Variants in PAX8 observed in about 807,000 individuals in gnomAD.
PAX8 encodes paired box 8.
PAX8 carries 15 observed loss-of-function variants against 52.4 expected under a neutral mutation model. That is an observed-to-expected ratio of 0.29 (90% CI 0.19 to 0.44). PAX8 has a LOEUF of 0.44. Among genes scored for constraint, PAX8 ranks in the 20% least tolerant of loss-of-function variants. The pLI, the probability that PAX8 is intolerant of heterozygous loss-of-function variation, is 1.00. For missense variants in PAX8, 554 were observed against 602.5 expected (o/e 0.92, Z 0.84); for synonymous variants, 284 against 249.7 (o/e 1.14, Z -1.29).
chr2:113,225,888 T>C (rs769401458), intron 10 of PAX8: 1 of 976,696 alleles, frequency 1.0e-6, no homozygotes, highest in Non-Finnish European at 1.2e-6. Flanking sequence ...CTTAAAAAAA[T>C]AACCGAATCT....
intron 2 of PAX8, among the ~76,000 whole-genome samples, chr2:113,257,337 C>G (rs1692335308): frequency 6.6e-6 from 1 of 152,152 alleles, no homozygotes; most frequent in Non-Finnish European, 1.5e-5. Flanking sequence ...GTCTTTGGGG[C>G]TCTGTTTCCC....
rs1054295218 is a variant in PAX8 at position 113,242,566 on chromosome 2, G to A, written c.478+124C>T. On this transcript the variant is annotated intron_variant, in intron 5 of 11. Transcript: ENST00000429538. ...CAACTCAGTCTACACATGGGTTTGT[G>A]AATGGTACTGTGCACAGCTATGTCT... is the stretch of plus-strand genomic sequence containing the variant. 6 of 790,890 alleles carry A rather than the reference G, an allele frequency of 7.6e-6. No individual in the cohort carries two copies. The East Asian group carries it at 1.5e-4, about 20-fold the overall frequency. 49.0% of individuals were successfully genotyped at this position (790,890 alleles called of 1,614,324 possible). A position where few individuals can be genotyped will look rare whatever the true frequency, so the allele number is the denominator to read the frequency against.
At chr2:113,267,048 A>C (rs562665993) in intron 2 of PAX8, 8 of 152,234 alleles carry the variant, frequency 5.3e-5, no homozygotes, top group Non-Finnish European at 1.0e-4. Flanking sequence ...TTGTGTTCAC[A>C]CTTCTCCTTT....
intron 11 of PAX8, among the ~76,000 whole-genome samples, chr2:113,219,096 G>A (rs560549239): frequency 3.9e-5 from 6 of 152,340 alleles, no homozygotes; most frequent in Middle Eastern, 3.4e-3. Context: ...GCAGCCTGGG[G>A]AGGCTCAGTG....
At position 113,236,620 on chromosome 2, in the gene PAX8, C is replaced by A; in HGVS notation, c.879G>T (p.Gln293His). 1 of 1,587,922 alleles carries A rather than the reference C, an allele frequency of 6.3e-7. No homozygotes were observed. The highest frequency in any genetic ancestry group is 8.6e-7 in the Non-Finnish European group (1 of 1,167,880). ...TTGTACCTGCCACCACGGGGTAGGT[C>A]TGGTGAGTCGAGAGGTTGCGCCCCA... ...TPLGRNLSTH[Q>H]TYPVVADPHS... Residue 293 changes from glutamine (Q) to histidine (H), a missense_variant, in exon 8 of 12, where the codon CAG (glutamine) becomes CAT (histidine). Gln to His is a conservative substitution (Grantham distance 24). This residue lies in a region of PAX8 where 445 missense variants were observed against 409.9 expected (regional missense o/e 1.09). Coordinates refer to ENST00000429538, the MANE Select transcript of PAX8 (RefSeq NM_003466.4).
intron 7 of PAX8, chr2:113,239,936 A>G (rs1440500152): frequency 6.6e-6 from 1 of 152,162 alleles, no homozygotes; most frequent in Non-Finnish European, 1.5e-5. Context: ...TGAAAGCTCA[A>G]AGACTTTCTC....
intron 10 of PAX8, among the ~76,000 whole-genome samples, chr2:113,224,848 AAATAAAAT>A (rs1218812847): frequency 1.2e-3 from 20 of 16,688 alleles, no homozygotes; most frequent in African/African-American, 1.6e-3. Context: ...ATATAAAATA[AAATAAAAT>A]AAAATAAAAT....
Position 113,235,565 on chromosome 2 carries a change from C to A in PAX8, c.916G>T (p.Ala306Ser). 6.2e-7 allele frequency: 1 copy of A among 1,611,880 alleles called. No individual in the cohort carries two copies. Among genetic ancestry groups the A allele is most frequent in the Non-Finnish European group, 8.5e-7 (1 of 1,178,616 alleles). Residue 306 changes from alanine (A) to serine (S), a missense_variant, in exon 9 of 12, where the codon GCC becomes TCC. Ala to Ser is a moderately conservative substitution (Grantham distance 99). Around this residue, in one of 2 missense-constraint regions of PAX8, gnomAD observed 445 missense variants for 409.9 expected, o/e 1.09. Coordinates refer to ENST00000429538, the MANE Select transcript of PAX8 (RefSeq NM_003466.4). ...ACCTCGGGGGTTTCCTGCTTTATGGCGAAGGGTGAGTGAGGATCTGCCGGA... is the reference window on the plus strand; with the variant it reads ...ACCTCGGGGGTTTCCTGCTTTATGGAGAAGGGTGAGTGAGGATCTGCCGGA... The part of the protein sequence containing the change: ...PVVADPHSPF[A>S]IKQETPEVSS...
At position 113,236,766 on chromosome 2, in the gene PAX8, C is replaced by G. The variant is rs1486021764; in HGVS notation, c.778-45G>C. 1.9e-6 allele frequency: 3 copies of G among 1,540,346 alleles called. No homozygotes were observed. In the African/African-American group the frequency reaches 4.1e-5, roughly 21 times the overall value. ...CAGCGCACAGAGACGATCCAACAAGCCGACCTTCCTGCAGACCCTGAGCCT... is the reference window on the plus strand; with the variant it reads ...CAGCGCACAGAGACGATCCAACAAGGCGACCTTCCTGCAGACCCTGAGCCT... On this transcript the variant is annotated intron_variant, in intron 7 of 11. Coordinates refer to ENST00000429538, the MANE Select transcript of PAX8 (RefSeq NM_003466.4).
intron 9 of PAX8, among the ~76,000 whole-genome samples, chr2:113,227,768 G>T (rs915724898): frequency 5.3e-5 from 8 of 151,920 alleles, no homozygotes; most frequent in Non-Finnish European, 1.0e-4. Flanking sequence ...ACTATTTTTT[G>T]GGGGGCCTGT....
At chr2:113,222,272 C>G (rs1419757538) in intron 10 of PAX8, among the ~76,000 whole-genome samples, 3 of 152,190 alleles carry the variant, frequency 2.0e-5, no homozygotes, top group African/African-American at 7.2e-5. Context: ...TTTACCACAC[C>G]CTACCCAATG....
At position 113,244,538 on chromosome 2, in the gene PAX8, C is replaced by G. The variant is rs1085307828; in HGVS notation, c.278G>C (p.Gly93Ala). The change falls in exon 4 of 12, where the codon GGG becomes GCG. Residue 93 changes from glycine to alanine, a missense_variant. Physicochemically the swap from Gly to Ala is moderately conservative, Grantham distance 60. Coordinates refer to ENST00000429538, the MANE Select transcript of PAX8 (RefSeq NM_003466.4). ...VATPKVVEKI[G>A]DYKRQNPTMF... is the part of the protein sequence containing the mutation. ...GGTAGGGTTCTGGCGTTTGTAGTCC[C>G]CAATCTTCTCCACCACCTTGGGGGT... 1.9e-6 allele frequency: 3 copies of G among 1,614,052 alleles called. No individual in the cohort carries two copies. The Admixed American group carries it at 5.0e-5, about 27-fold the overall frequency.
rs940281302 is a variant in PAX8 at position 113,216,993 on chromosome 2, C to T, written c.*1540G>A. On this transcript the variant is annotated 3_prime_UTR_variant, in exon 12 of 12. Transcript: ENST00000429538. ...CACACAAGAGAGCCCAGTCTTCTCT[C>T]TCCCTTCAGAGCTGTTTATGCAGGC... 4.3e-6 allele frequency: 1 copy of T among 231,430 alleles called. No homozygotes were observed. Among genetic ancestry groups the T allele is most frequent in the Non-Finnish European group, 8.6e-6 (1 of 116,946 alleles). The allele number at this position is 231,430 out of a possible 1,614,324, so 14.3% of individuals were successfully genotyped here. A position where few individuals can be genotyped will look rare whatever the true frequency, so the allele number is the denominator to read the frequency against.
intron 9 of PAX8, among the ~76,000 whole-genome samples, chr2:113,232,385 T>C (rs1449291493): frequency 6.6e-6 from 1 of 152,244 alleles, no homozygotes; most frequent in Non-Finnish European, 1.5e-5. Flanking sequence ...CTGTGCTGAA[T>C]TGTCAACCCT....
chr2:113,242,228 G>A lies in PAX8; in HGVS notation c.479-98C>T, dbSNP rs1178236243. On this transcript the variant is annotated intron_variant, in intron 5 of 11. Coordinates refer to ENST00000429538, the MANE Select transcript of PAX8 (RefSeq NM_003466.4). ...GTTACAGTTGAGCTGGGGACTGCAG[G>A]GGCTGGGGGAGAGGGAGAGGAGCAA... is the stretch of plus-strand genomic sequence containing the variant. 1.2e-5 allele frequency: 13 copies of A among 1,055,186 alleles called. No individual in the cohort carries two copies. In the Admixed American group the frequency reaches 2.5e-4, roughly 20 times the overall value. The allele number at this position is 1,055,186 out of a possible 1,614,324, so 65.4% of individuals were successfully genotyped here.
At chr2:113,236,766 C>T in intron 7 of PAX8, 45 bp from the exon 8 acceptor site, 1 of 1,540,464 alleles carries the variant, frequency 6.5e-7, no homozygotes, top group Non-Finnish European at 8.7e-7. Context: ...ATCCAACAAG[C>T]CGACCTTCCT....
In PAX8 at chr2:113,220,175, C is replaced by T; in HGVS notation, c.1193G>A (p.Ser398Asn). ...GCCATAGGCATTGCCAGAGTATTCA[C>T]TTCCTGTTGGAGGCACACAGGGGAG... Reference protein sequence around the residue: ...SSAIAGMVAGSEYSGNAYGHT... With the variant: ...SSAIAGMVAGNEYSGNAYGHT... The change falls in exon 11 of 12, where the codon AGT (serine) becomes AAT (asparagine). Residue 398 changes from serine (S) to asparagine (N), a missense_variant. This residue lies in a region of PAX8 where 445 missense variants were observed against 409.9 expected (regional missense o/e 1.09). Coordinates refer to ENST00000429538, the MANE Select transcript of PAX8 (RefSeq NM_003466.4). 6.2e-7 allele frequency: 1 copy of T among 1,613,434 alleles called. No homozygotes were observed.
At chr2:113,278,594 G>A in intron 1 of PAX8, 125 bp from the exon 2 acceptor site, 2 of 893,378 alleles carry the variant, frequency 2.2e-6, no homozygotes, top group Non-Finnish European at 3.4e-6. Context: ...ATTTTTAGGC[G>A]AAGTAGGGCC....
chr2:113,269,430 C>G lies in PAX8; in HGVS notation c.25+8940G>C, dbSNP rs561224198. On this transcript the variant is annotated intron_variant, in intron 2 of 11. Transcript: ENST00000429538. ...TGTTAGTGTTCAGTCCTTTTCCTACCACTGAGTTGTTTTGTCTGATCATTC... is the reference window on the plus strand; with the variant it reads ...TGTTAGTGTTCAGTCCTTTTCCTACGACTGAGTTGTTTTGTCTGATCATTC... 2.6e-5 allele frequency: 4 copies of G among 152,366 alleles called. No homozygotes were observed. In the South Asian group the frequency reaches 8.3e-4, roughly 32 times the overall value. 9.4% of individuals were successfully genotyped at this position (152,366 alleles called of 1,614,324 possible). A position where few individuals can be genotyped will look rare whatever the true frequency, so the allele number is the denominator to read the frequency against.
Sources: gnomAD v4.1 joint callset for allele counts (sites outside exome capture counted in the v4.1 genomes callset) on GRCh38, gnomAD v4.1.1 for gene constraint, gnomAD v4.1.1 regional missense constraint, MANE v1.5 for transcripts, NCBI Gene and HGNC (gene_info 2026-07-23, HGNC 2026-07-21) for gene names.